MIER2: variants seen among roughly 807,000 people sequenced by gnomAD.
The protein encoded by MIER2 is mesoderm induction early response protein 2.
A neutral mutation model predicts 67.6 loss-of-function variants in MIER2; 30 were observed. The ratio of observed to expected loss-of-function variants is 0.44; its 90% CI spans 0.33 to 0.60. The LOEUF is 0.60. Among genes scored for constraint, MIER2 ranks in the 20% least tolerant of loss-of-function variants. MIER2 has a pLI of 0.02. For missense variants in MIER2, 702 were observed against 745.1 expected, an observed-to-expected ratio of 0.94 and a Z score of 0.67; for synonymous variants, 372 against 312.6, an observed-to-expected ratio of 1.19 and a Z score of -2.00.
chr19:335,989 G>A (rs375505926), intron 2 of MIER2, 94 bp downstream of exon 2: 70 of 1,246,932 alleles, frequency 5.6e-5, no homozygotes, highest in African/African-American at 4.9e-4. Flanking sequence ...CCAGTGTGCC[G>A]GTCCACAGCT....
intron 1 of MIER2, among the ~76,000 whole-genome samples, chr19:336,430 A>G (rs1600172155): frequency 1.3e-5 from 2 of 152,232 alleles, no homozygotes; most frequent in Admixed American, 6.5e-5. Context: ...ATCATGTGAC[A>G]CTGAAAACTG....
At chr19:318,575 A>G (rs1275073193) in intron 7 of MIER2, among the ~76,000 whole-genome samples, 1 of 152,226 alleles carries the variant, frequency 6.6e-6, no homozygotes, top group African/African-American at 2.4e-5. Flanking sequence ...TGTGAACAAC[A>G]ATTATCCAGC....
intron 2 of MIER2, 99 bp downstream of exon 2, chr19:335,984 G>GTGCC (rs1972233808): frequency 8.5e-7 from 1 of 1,178,388 alleles, no homozygotes; most frequent in African/African-American, 1.5e-5. Context: ...GGAAGCCAGT[G>GTGCC]TGCCGGTCCA....
intron 7 of MIER2, among the ~76,000 whole-genome samples, chr19:323,084 G>T (rs765854739): frequency 5.4e-5 from 8 of 148,948 alleles, no homozygotes; most frequent in Non-Finnish European, 1.2e-4. Context: ...CAATACACAC[G>T]ACACACACAA....
At chr19:310,052 G>GAGAAGGGACACA (rs1568215993) in intron 10 of MIER2, among the ~76,000 whole-genome samples, 4 of 131,426 alleles carry the variant, frequency 3.0e-5, no homozygotes, top group African/African-American at 1.3e-4. Flanking sequence ...ACACACACAC[G>GAGAAGGGACACA]CACACAAGGC....
At chr19:344,129 C>A (rs1972630225) in intron 1 of MIER2, 1 of 985,304 alleles carries the variant, frequency 1.0e-6, no homozygotes, top group African/African-American at 1.7e-5. Flanking sequence ...ACTTCGTGCC[C>A]GGGAGAGGCT....
intron 7 of MIER2, among the ~76,000 whole-genome samples, chr19:319,387 G>A (rs552186330): frequency 1.3e-5 from 2 of 152,162 alleles, no homozygotes; most frequent in South Asian, 2.1e-4. Flanking sequence ...GTAAAAAACA[G>A]AAATCCAGCA....
intron 10 of MIER2, among the ~76,000 whole-genome samples, chr19:310,938 C>G (rs12104344): frequency 0.046 from 7,044 of 152,312 alleles, 280 homozygotes; most frequent in African/African-American, 0.1. Context: ...CACCTCGCCC[C>G]GCTGTCTCCA....
chr19:315,945 G>C (rs1204030409), intron 7 of MIER2, among the ~76,000 whole-genome samples: 5 of 152,352 alleles, frequency 3.3e-5, no homozygotes, highest in Non-Finnish European at 7.3e-5. Flanking sequence ...CAACTCTTAG[G>C]AGAGAAAAGG....
chr19:334,971 C>G (rs924707018), intron 2 of MIER2, among the ~76,000 whole-genome samples: 2 of 152,188 alleles, frequency 1.3e-5, no homozygotes, highest in African/African-American at 4.8e-5. Flanking sequence ...GTCAGTACAG[C>G]ATCAAGGAGC....
At chr19:331,864 C>A (rs903596785) in intron 3 of MIER2, among the ~76,000 whole-genome samples, 28 of 151,926 alleles carry the variant, frequency 1.8e-4, no homozygotes, top group African/African-American at 5.3e-4. Flanking sequence ...ACCTGTGGTC[C>A]CAGCTACTCG....
Position 344,790 on chromosome 19 carries a change from T to C in MIER2, c.-8A>G. 1 of 1,197,358 alleles carries C rather than the reference T, an allele frequency of 8.4e-7. No individual in the cohort carries two copies. Among genetic ancestry groups the C allele is most frequent in the Non-Finnish European group, 1.0e-6 (1 of 965,804 alleles). 74.2% of individuals were successfully genotyped at this position (1,197,358 alleles called of 1,614,324 possible). ...CTCACTCACCTCCGCCATGGCCGTG[T>C]GTGCGCGGGAGGCGGTGGCCGCGCC... On this transcript the variant is annotated 5_prime_UTR_variant, in exon 1 of 14. Coordinates refer to ENST00000264819, the MANE Select transcript of MIER2 (RefSeq NM_017550.3).
In MIER2 at chr19:334,407, A is replaced by T. The variant is rs768440785; in HGVS notation, c.236T>A (p.Ile79Asn). The T allele has an allele frequency of 1.2e-6, 2 of 1,614,122 alleles. No homozygotes were observed. Among genetic ancestry groups the T allele is most frequent in the East Asian group, 2.2e-5 (1 of 44,880 alleles). Reference protein sequence around the residue: ...KPKEELEKDFISQSNDMPFDE... With the variant: ...KPKEELEKDFNSQSNDMPFDE... ...ATCACCTTGGCCAAGTACCTGGGAG[A>T]TGAAGTCCTTCTCCAGCTCCTCCTT... The change falls in exon 3 of 14, where the codon ATC becomes AAC. Residue 79 changes from isoleucine (I) to asparagine (N), a missense_variant. By Grantham distance (149) the Ile-to-Asn change is moderately radical (BLOSUM62 -3). This residue lies in a region of MIER2 where 320 missense variants were observed against 292.6 expected (regional missense o/e 1.09). Coordinates refer to ENST00000264819, the MANE Select transcript of MIER2 (RefSeq NM_017550.3).
rs763025488 is a variant in MIER2 at position 308,929 on chromosome 19, C to A, written c.985-4G>T. 8.1e-6 allele frequency: 13 copies of A among 1,598,710 alleles called. No homozygotes were observed. The Admixed American group carries it at 2.2e-4, about 27-fold the overall frequency. On this transcript the variant is annotated splice_polypyrimidine_tract_variant and splice_region_variant and intron_variant, in intron 10 of 13. Coordinates refer to ENST00000264819, the MANE Select transcript of MIER2 (RefSeq NM_017550.3). The surrounding 1 kb of genome is among the most constrained non-coding windows in gnomAD (Gnocchi z 9.1). ...CGCCCACTGACCGTGTGCGCACCTG[C>A]GGGGAGGGGTCAGGAGCCATCTCTG...
chr19:313,357 A>G lies in MIER2; in HGVS notation c.807+135T>C, dbSNP rs189717771. 2.9e-6 allele frequency: 4 copies of G among 1,392,954 alleles called. No homozygotes were observed. In the Admixed American group the frequency reaches 6.8e-5, roughly 24 times the overall value. The allele number at this position is 1,392,954 out of a possible 1,614,324, so 86.3% of individuals were successfully genotyped here. A position where few individuals can be genotyped will look rare whatever the true frequency, so the allele number is the denominator to read the frequency against. ...CCCTTCTGACCTGAGTAGCTGTTCC[A>G]GTGCCCTGGCCCCCACACACCTGAC... On this transcript the variant is annotated intron_variant, in intron 8 of 13. Transcript: ENST00000264819.
At chr19:331,621 A>C (rs1358306337) in intron 3 of MIER2, among the ~76,000 whole-genome samples, 2 of 152,072 alleles carry the variant, frequency 1.3e-5, no homozygotes, top group Non-Finnish European at 2.9e-5. Context: ...GTAAACTATG[A>C]TTGCACCACT....
rs185296225 is a variant in MIER2, at chr19:324,396, C to A, written c.655+1239G>T. ...AACCACACAGACGACTCGAATGACA[C>A]AGGCGTCATCACAATGCAATAAAGA... is the stretch of plus-strand genomic sequence containing the variant. On this transcript the variant is annotated intron_variant, in intron 7 of 13. Coordinates refer to ENST00000264819, the MANE Select transcript of MIER2 (RefSeq NM_017550.3). Among the ~76,000 whole-genome samples, 15 of 136,558 alleles carry A rather than the reference C, an allele frequency of 1.1e-4. 2 individuals carry two copies. The highest frequency in any genetic ancestry group is 2.3e-4 in the Admixed American group (3 of 13,310). The allele number at this position is 136,558 out of a possible 152,430, so 89.6% of individuals were successfully genotyped here.
At chr19:325,798 G>C (rs546632294) in intron 6 of MIER2, 94 bp from the exon 7 acceptor site, 3 of 1,393,162 alleles carry the variant, frequency 2.2e-6, no homozygotes, top group Non-Finnish European at 3.0e-6. Context: ...TTACGGGGAG[G>C]GGCCACTGTC....
chr19:339,611 C>T (rs1390796225), intron 1 of MIER2, among the ~76,000 whole-genome samples: 1 of 152,120 alleles, frequency 6.6e-6, no homozygotes, highest in Non-Finnish European at 1.5e-5. Context: ...CATCAGCTGA[C>T]AAAAACAAAA....
Sources: allele counts gnomAD v4.1 joint callset (sites outside exome capture counted in the v4.1 genomes callset), GRCh38; gene constraint gnomAD v4.1.1; regional missense constraint gnomAD v4.1.1; non-coding constraint Gnocchi (gnomAD v3.1); transcripts MANE v1.5; gene names NCBI Gene and HGNC (gene_info 2026-07-23, HGNC 2026-07-21).